The following TRIM7 variants were observed in gnomAD, a reference collection of about 807,000 sequenced individuals.
TRIM7 encodes E3 ubiquitin-protein ligase TRIM7.
A neutral mutation model predicts 37.9 loss-of-function variants in TRIM7; 32 were observed. The observed-to-expected ratio is 0.84, with a 90% CI of 0.64 to 1.13. The LOEUF is 1.13. TRIM7 is among the 50% of genes most tolerant of loss of function. TRIM7 has a pLI of 0.00. For missense variants in TRIM7, 732 were observed against 714.0 expected (o/e 1.03, Z -0.29); for synonymous variants, 351 against 321.3 (o/e 1.09, Z -0.99).
chr5:181,203,814 T>TCGG (rs1757656555), intron 1 of TRIM7, 174 bp from the exon 2 acceptor site: 1 of 1,366,530 alleles, frequency 7.3e-7, no homozygotes, highest in African/African-American at 1.5e-5. Flanking sequence ...TCTGAAGGTC[T>TCGG]CGGGATCTTG....
At chr5:181,200,861 G>A in intron 2 of TRIM7, 1 of 985,522 alleles carries the variant, frequency 1.0e-6, no homozygotes, top group Non-Finnish European at 1.2e-6. Context: ...GTCCTGTGAA[G>A]TTGGGAGACC....
Position 181,198,682 on chromosome 5 carries a change from G to T in TRIM7, c.988+8C>A, listed in dbSNP as rs777928839. On this transcript the variant is annotated splice_region_variant and intron_variant, in intron 5 of 6. Transcript: ENST00000274773. ...CTATGTGGCCCAGCTTGGCGCCCAG[G>T]CCCCTACCTTTGAACTTCTTCAGCA... 1.1e-5 allele frequency: 18 copies of T among 1,603,238 alleles called. No individual in the cohort carries two copies. Among genetic ancestry groups the T allele is most frequent in the Non-Finnish European group, 1.5e-5 (17 of 1,170,192 alleles).
chr5:181,204,641 T>A lies in TRIM7; in HGVS notation c.470A>T (p.Glu157Val). 1 of 1,492,756 alleles carries A rather than the reference T, an allele frequency of 6.7e-7. No homozygotes were observed. The highest frequency in any genetic ancestry group is 8.8e-7 in the Non-Finnish European group (1 of 1,133,364). The allele number at this position is 1,492,756 out of a possible 1,614,324, so 92.5% of individuals were successfully genotyped here. Residue 157 changes from glutamate to valine, a missense_variant, in exon 1 of 7, where the codon GAG becomes GTG. Glu to Val is a moderately radical substitution (Grantham distance 121). Transcript: ENST00000274773. ...CGGCAGCACGGCGTGCTCGCGGTGCTCGCGGGCGCGGTCGCACACCACGCA... is the reference window on the plus strand; with the variant it reads ...CGGCAGCACGGCGTGCTCGCGGTGCACGCGGGCGCGGTCGCACACCACGCA... The part of the protein sequence containing the change: ...AICVVCDRAR[E>V]HREHAVLPLD...
chr5:181,200,306 C>T (rs554091615), intron 2 of TRIM7: 1 of 1,437,796 alleles, frequency 7.0e-7, no homozygotes, highest in East Asian at 2.5e-5. Flanking sequence ...GATGCACCCA[C>T]ACATGTCTGT....
At chr5:181,198,983 G>A in intron 4 of TRIM7, 112 bp downstream of exon 4, 1 of 1,452,002 alleles carries the variant, frequency 6.9e-7, no homozygotes, top group Non-Finnish European at 9.7e-7. Context: ...CCCCAGGCAA[G>A]CAAGTCGGGG....
rs941158619 is a variant in TRIM7, at chr5:181,198,384, G to A, written c.989-166C>T. 4.1e-5 allele frequency: 30 copies of A among 740,430 alleles called. No homozygotes were observed. In the Admixed American group the frequency reaches 6.0e-4, roughly 15 times the overall value. 45.9% of individuals were successfully genotyped at this position (740,430 alleles called of 1,614,324 possible). A position where few individuals can be genotyped will look rare whatever the true frequency, so the allele number is the denominator to read the frequency against. On this transcript the variant is annotated intron_variant, in intron 5 of 6. Coordinates refer to ENST00000274773, the MANE Select transcript of TRIM7 (RefSeq NM_203293.3). ...CAAGCATGGGGAGCGGGGGGCAGGG[G>A]GCCCATACCCAAGCATTCTAGCTCT...
At position 181,204,836 on chromosome 5, in the gene TRIM7, G is replaced by A; in HGVS notation, c.275C>T (p.Pro92Leu). The change falls in exon 1 of 7, where the codon CCC (proline) becomes CTC (leucine). Residue 92 changes from proline (P) to leucine (L), a missense_variant. Transcript: ENST00000274773. Reference protein sequence around the residue: ...REPARPSQLRPNRQLAAVATL... With the variant: ...REPARPSQLRLNRQLAAVATL... ...GGCCACTGCCGCCAGCTGCCGGTTGGGCCGCAGCTGACTGGGGCGCGCGGG... is the reference window on the plus strand; with the variant it reads ...GGCCACTGCCGCCAGCTGCCGGTTGAGCCGCAGCTGACTGGGGCGCGCGGG... 1 of 1,363,248 alleles carries A rather than the reference G, an allele frequency of 7.3e-7. No individual in the cohort carries two copies. The highest frequency in any genetic ancestry group is 2.7e-4 in the Middle Eastern group (1 of 3,690). 84.4% of individuals were successfully genotyped at this position (1,363,248 alleles called of 1,614,324 possible).
Position 181,198,785 on chromosome 5 carries a change from G to A in TRIM7, c.893C>T (p.Pro298Leu). Reference sequence around the variant, plus strand: ...CTCAGAAGAGACTGTGGTTGGCTTGGGGCCAGGCACATTGCTACACCTGCA... The same window carrying A: ...CTCAGAAGAGACTGTGGTTGGCTTGAGGCCAGGCACATTGCTACACCTGCA... ...TLSRCSNVPG[P>L]KPTTVSSEMK... is the part of the protein sequence containing the mutation. Residue 298 changes from proline (P) to leucine (L), a missense_variant, in exon 5 of 7, where the codon CCC becomes CTC. Coordinates refer to ENST00000274773, the MANE Select transcript of TRIM7 (RefSeq NM_203293.3). 1.2e-6 allele frequency: 2 copies of A among 1,613,880 alleles called. No individual in the cohort carries two copies. The highest frequency in any genetic ancestry group is 8.5e-7 in the Non-Finnish European group (1 of 1,179,846).
chr5:181,204,351 T>G, intron 1 of TRIM7: 1 of 1,210,198 alleles, frequency 8.3e-7, no homozygotes, highest in Non-Finnish European at 1.0e-6. Flanking sequence ...GGCGGCCCAG[T>G]ATCTGGCCCA....
Position 181,200,046 on chromosome 5 carries a change from T to C in TRIM7, c.654A>G (p.Ala218=), listed in dbSNP as rs1442689318. ...QMAAEQEKVG[A]EFQALRAFLV... ...GGAAAGCCCTCAGTGCCTGGAACTC[T>C]GCCCCCACCTTCTCCTGCTCCGCTG... Residue 218 remains alanine (A), a synonymous_variant, in exon 3 of 7, where the codon GCA becomes GCG. Coordinates refer to ENST00000274773, the MANE Select transcript of TRIM7 (RefSeq NM_203293.3). The C allele has an allele frequency of 6.2e-7, 1 of 1,614,126 alleles. No individual in the cohort carries two copies. Among genetic ancestry groups the C allele is most frequent in the African/African-American group, 1.3e-5 (1 of 74,938 alleles).
rs1301457875 is a variant in TRIM7 at position 181,195,563 on chromosome 5, A to C, written c.1139T>G (p.Phe380Cys). 1 of 1,610,328 alleles carries C rather than the reference A, an allele frequency of 6.2e-7. No homozygotes were observed. Among genetic ancestry groups the C allele is most frequent in the African/African-American group, 1.3e-5 (1 of 74,854 alleles). ...CGCCAGGACGCGGGTGTTGGTGTCG[A>C]AGCGGCAGGGGTGGTTGGGCAGGTC... ...AQDLPNHPCR[F>C]DTNTRVLASC... Residue 380 changes from phenylalanine (F) to cysteine (C), a missense_variant, in exon 7 of 7, where the codon TTC becomes TGC. Transcript: ENST00000274773.
At position 181,195,602 on chromosome 5, in the gene TRIM7, C is replaced by CCGA. The variant is rs1188839445; in HGVS notation, c.1097_1099dup (p.Leu366_Gly367insVal). ...GTTGGGCAGGTCCTGGGCCCGCTCG[C>CCGA]CGAGGCGCACGCCCTTAAGATCCAG... On this transcript the variant is annotated inframe_insertion, in exon 7 of 7. Coordinates refer to ENST00000274773, the MANE Select transcript of TRIM7 (RefSeq NM_203293.3). The CCGA allele has an allele frequency of 6.9e-6, 11 of 1,586,954 alleles. No homozygotes were observed. Among genetic ancestry groups the CCGA allele is most frequent in the Non-Finnish European group, 8.6e-6 (10 of 1,163,694 alleles).
Position 181,195,660 on chromosome 5 carries a change from G to A in TRIM7, c.1042C>T (p.Pro348Ser). ...KEEKVELTLDPDTANPRLILS... is the reference protein window; with the variant it reads ...KEEKVELTLDSDTANPRLILS... Reference sequence around the variant, plus strand: ...ATGAGGCGCGGGTTGGCCGTGTCGGGATCCAAGGTGAGCTCCACTGCAGAC... The same window carrying A: ...ATGAGGCGCGGGTTGGCCGTGTCGGAATCCAAGGTGAGCTCCACTGCAGAC... Residue 348 changes from proline (P) to serine (S), a missense_variant, in exon 7 of 7, where the codon CCC (proline) becomes TCC (serine). By Grantham distance (74) the Pro-to-Ser change is moderately conservative. Transcript: ENST00000274773. The A allele has an allele frequency of 6.6e-7, 1 of 1,524,600 alleles. No homozygotes were observed. Among genetic ancestry groups the A allele is most frequent in the South Asian group, 1.3e-5 (1 of 77,176 alleles). The allele number at this position is 1,524,600 out of a possible 1,614,324, so 94.4% of individuals were successfully genotyped here. A position where few individuals can be genotyped will look rare whatever the true frequency, so the allele number is the denominator to read the frequency against.
In TRIM7 at chr5:181,199,104, G is replaced by A. The variant is rs116911833; in HGVS notation, c.863C>T (p.Thr288Met). The A allele has an allele frequency of 1.0e-3, 1,687 of 1,614,230 alleles. 40 individuals carry two copies. The East Asian group carries it at 0.031, about 30-fold the overall frequency. Reference sequence around the variant, plus strand: ...CTGTGAGGTCACTCACCTGCTCAGCGTGCTTTTGAATTCCTGGAAGGAAAG... The same window carrying A: ...CTGTGAGGTCACTCACCTGCTCAGCATGCTTTTGAATTCCTGGAAGGAAAG... ...DLDFLQEFKS[T>M]LSRCSNVPGP... The change falls in exon 4 of 7, where the codon ACG becomes ATG. Residue 288 changes from threonine (T) to methionine (M), a missense_variant. Coordinates refer to ENST00000274773, the MANE Select transcript of TRIM7 (RefSeq NM_203293.3).
At chr5:181,203,481 C>T (rs1339578855) in intron 2 of TRIM7, 64 bp downstream of exon 2, 1 of 1,604,440 alleles carries the variant, frequency 6.2e-7, no homozygotes, top group Non-Finnish European at 8.5e-7. Flanking sequence ...ACACACCGAG[C>T]CCTGGTGCTG....
chr5:181,198,669 G>T (rs1295298291), intron 5 of TRIM7, 21 bp downstream of exon 5: 3 of 1,574,932 alleles, frequency 1.9e-6, no homozygotes, highest in Non-Finnish European at 2.6e-6. Context: ...ATGTGGCCCA[G>T]CTTGGCGCCC....
intron 4 of TRIM7, 100 bp from the exon 5 acceptor site, chr5:181,198,905 A>G: frequency 8.4e-7 from 1 of 1,197,002 alleles, no homozygotes; most frequent in Non-Finnish European, 1.2e-6. Context: ...AAAGAGGTAG[A>G]AAAGGGAGAG....
rs774795162 is a variant in TRIM7 at position 181,200,092 on chromosome 5, A to G, written c.619-11T>C. On this transcript the variant is annotated splice_polypyrimidine_tract_variant and intron_variant, in intron 2 of 6. Transcript: ENST00000274773. Reference sequence around the variant, plus strand: ...CGCTGCCATCTGTTTCTGTCCCAGGAGGAGAAGTTGGAGAGGGACTTGAAC... The same window carrying G: ...CGCTGCCATCTGTTTCTGTCCCAGGGGGAGAAGTTGGAGAGGGACTTGAAC... 17 of 1,614,106 alleles carry G rather than the reference A, an allele frequency of 1.1e-5. No individual in the cohort carries two copies. The South Asian group carries it at 1.9e-4, about 18-fold the overall frequency.
At chr5:181,195,757 C>T in intron 6 of TRIM7, 80 bp from the exon 7 acceptor site, 1 of 1,480,320 alleles carries the variant, frequency 6.8e-7, no homozygotes, top group Non-Finnish European at 9.0e-7. Flanking sequence ...CCCGACCTTG[C>T]TTTGCAACCT....
Sources: gnomAD v4.1 joint callset for allele counts on GRCh38, gnomAD v4.1.1 for gene constraint, MANE v1.5 for transcripts, NCBI Gene and HGNC (gene_info 2026-07-23, HGNC 2026-07-21) for gene names.